The following CDK13 variants were observed in gnomAD, a reference collection of about 807,000 sequenced individuals.
CDK13 encodes the protein cyclin dependent kinase 13, also known as cyclin-dependent kinase 13.
Under a neutral mutation model 137.6 loss-of-function variants are expected in CDK13, and 40 were observed. That is an observed-to-expected ratio of 0.29 (90% CI 0.23 to 0.38). The LOEUF is 0.38. Among genes scored for constraint, CDK13 ranks in the 10% least tolerant of loss-of-function variants. CDK13 has a pLI of 1.00. For missense variants in CDK13, 1,704 were observed against 1,951.8 expected (o/e 0.87, Z 2.39); for synonymous variants, 869 against 760.1 (o/e 1.14, Z -2.36).
intron 1 of CDK13, among the ~76,000 whole-genome samples, chr7:39,966,955 C>T (rs1257090516): frequency 1.3e-5 from 2 of 152,124 alleles, no homozygotes; most frequent in African/African-American, 2.4e-5. Flanking sequence ...ATGTTGCTGC[C>T]TGATCGTTCC....
chr7:39,962,253 C>T (rs1783761102), intron 1 of CDK13, among the ~76,000 whole-genome samples: 1 of 152,204 alleles, frequency 6.6e-6, no homozygotes, highest in African/African-American at 2.4e-5. Flanking sequence ...AGTCCACCAA[C>T]AGTGTAAAAG....
At chr7:40,018,629 A>G (rs910877254) in intron 5 of CDK13, among the ~76,000 whole-genome samples, 2 of 152,210 alleles carry the variant, frequency 1.3e-5, no homozygotes, top group Non-Finnish European at 2.9e-5. Context: ...ACTGGAGGCC[A>G]TTATTCTAAG....
chr7:39,984,600 G>A (rs1784298626), intron 1 of CDK13: 1 of 152,022 alleles, frequency 6.6e-6, no homozygotes, highest in African/African-American at 2.4e-5. Flanking sequence ...TTTATCCTTT[G>A]TGTTACAAGC....
intron 1 of CDK13, among the ~76,000 whole-genome samples, chr7:39,969,714 T>C (rs1316419969): frequency 3.3e-5 from 5 of 152,222 alleles, no homozygotes; most frequent in Middle Eastern, 6.8e-3. Context: ...TTCTAGTGGA[T>C]GTGTATTGGT....
chr7:40,004,186 T>C (rs1784751043), intron 5 of CDK13, among the ~76,000 whole-genome samples: 1 of 152,214 alleles, frequency 6.6e-6, no homozygotes, highest in South Asian at 2.1e-4. Flanking sequence ...ATATTAATAG[T>C]CTTCCTGGTA....
In CDK13 at chr7:39,951,506, C is replaced by T. The variant is rs1787198158; in HGVS notation, c.865C>T (p.Pro289Ser). The change falls in exon 1 of 14, where the codon CCG becomes TCG. Residue 289 changes from proline (P) to serine (S), a missense_variant. Around this residue, in one of 5 missense-constraint regions of CDK13, gnomAD observed 1,051 missense variants for 931.0 expected, o/e 1.13. Coordinates refer to ENST00000181839, the MANE Select transcript of CDK13 (RefSeq NM_003718.5). ...CAGCCGGACTAAGTCGTCCAAGGAG[C>T]CGCCTTCGGCCTACAAGGAACCGCC... ...HRSRTKSSKE[P>S]PSAYKEPPKA... 5.9e-6 allele frequency: 9 copies of T among 1,533,174 alleles called. No homozygotes were observed. Among genetic ancestry groups the T allele is most frequent in the East Asian group, 2.6e-5 (1 of 38,618 alleles). The allele number at this position is 1,533,174 out of a possible 1,614,324, so 95.0% of individuals were successfully genotyped here. A position where few individuals can be genotyped will look rare whatever the true frequency, so the allele number is the denominator to read the frequency against.
rs1787047804 is a variant in CDK13 at position 40,096,382 on chromosome 7, AGTC to A, written c.*1403_*1405del. ...AATGAAGAGCATCAAAGAATGGAGT[AGTC>A]CTTATTTAAACTGTAATGGTGTCAA... On this transcript the variant is annotated 3_prime_UTR_variant, in exon 14 of 14. Transcript: ENST00000181839. 1 of 152,166 alleles carries A rather than the reference AGTC, an allele frequency of 6.6e-6. No homozygotes were observed. The highest frequency in any genetic ancestry group is 1.5e-5 in the Non-Finnish European group (1 of 68,028). The allele number at this position is 152,166 out of a possible 1,614,324, so 9.4% of individuals were successfully genotyped here.
At chr7:39,954,474 A>G (rs1787343482) in intron 1 of CDK13, among the ~76,000 whole-genome samples, 2 of 152,184 alleles carry the variant, frequency 1.3e-5, no homozygotes, top group South Asian at 4.2e-4. Flanking sequence ...GGGCTGTCTT[A>G]TCCATCATTG....
chr7:39,992,163 G>GTGT (rs1554325730), intron 2 of CDK13, among the ~76,000 whole-genome samples: 11 of 146,310 alleles, frequency 7.5e-5, no homozygotes, highest in East Asian at 4.4e-4. Flanking sequence ...AACTAATGAG[G>GTGT]GTGTGTGTGT....
chr7:40,013,091 G>A (rs757624099), intron 5 of CDK13, among the ~76,000 whole-genome samples: 2 of 152,086 alleles, frequency 1.3e-5, no homozygotes, highest in Non-Finnish European at 2.9e-5. Flanking sequence ...TGAAAATGAA[G>A]GAAATTTTTA....
chr7:39,993,371 G>A (rs549328547), intron 2 of CDK13, among the ~76,000 whole-genome samples: 38 of 152,100 alleles, frequency 2.5e-4, no homozygotes, highest in Non-Finnish European at 4.0e-4. Flanking sequence ...CCGAAATTTG[G>A]CCAGTGGAAG....
intron 1 of CDK13, among the ~76,000 whole-genome samples, chr7:39,968,661 GTC>G (rs1467599223): frequency 1.3e-5 from 2 of 152,156 alleles, no homozygotes; most frequent in African/African-American, 2.4e-5. Context: ...TTCAGTTAAT[GTC>G]TCTGTTTGTA....
intron 5 of CDK13, among the ~76,000 whole-genome samples, chr7:40,024,644 T>TG (rs1785202490): frequency 1.9e-5 from 2 of 107,334 alleles, no homozygotes; most frequent in African/African-American, 6.6e-5. Flanking sequence ...TGTAGCTCTG[T>TG]GTTTTTTTTT....
intron 5 of CDK13, among the ~76,000 whole-genome samples, chr7:40,027,440 C>T (rs917714046): frequency 3.9e-5 from 6 of 152,044 alleles, no homozygotes; most frequent in African/African-American, 1.4e-4. Flanking sequence ...CTTCACAATC[C>T]ACTTTGTATT....
At chr7:40,075,333 T>G in intron 9 of CDK13, among the ~76,000 whole-genome samples, 1 of 152,214 alleles carries the variant, frequency 6.6e-6, no homozygotes, top group Non-Finnish European at 1.5e-5. Context: ...TGTCTACCTC[T>G]CTAGTTTCTA....
At chr7:40,036,965 A>G (rs1785499748) in intron 5 of CDK13, among the ~76,000 whole-genome samples, 1 of 152,202 alleles carries the variant, frequency 6.6e-6, no homozygotes, top group Non-Finnish European at 1.5e-5. Context: ...ATGGCATGTT[A>G]TTCATATTAA....
At position 39,951,439 on chromosome 7, in the gene CDK13, C is replaced by G; in HGVS notation, c.798C>G (p.Ser266Arg). 6.5e-7 allele frequency: 1 copy of G among 1,536,808 alleles called. No individual in the cohort carries two copies. The highest frequency in any genetic ancestry group is 8.8e-7 in the Non-Finnish European group (1 of 1,142,606). ...GGAAAAGCGCTTCGGCCACATCCAG[C>G]AGCAGTAGCAGCCGCAAGGACCGGG... The part of the protein sequence containing the change: ...GRRKSASATS[S>R]SSSSRKDRDS... Residue 266 changes from serine (S) to arginine (R), a missense_variant, in exon 1 of 14, where the codon AGC (serine) becomes AGG (arginine). Physicochemically the swap from Ser to Arg is moderately radical, Grantham distance 110 (BLOSUM62 -1). Around this residue, in one of 5 missense-constraint regions of CDK13, gnomAD observed 1,051 missense variants for 931.0 expected, o/e 1.13. Coordinates refer to ENST00000181839, the MANE Select transcript of CDK13 (RefSeq NM_003718.5).
intron 5 of CDK13, 123 bp from the exon 6 acceptor site, chr7:40,045,713 C>G (rs1562746926): frequency 3.3e-6 from 2 of 601,444 alleles, no homozygotes; most frequent in Non-Finnish European, 5.7e-6. Flanking sequence ...ATTAAAGTAA[C>G]AAAGTAACAC....
intron 9 of CDK13, among the ~76,000 whole-genome samples, chr7:40,068,707 GAAAAAAAA>G (rs1158145409): frequency 1.2e-3 from 55 of 47,080 alleles, no homozygotes; most frequent in Admixed American, 2.1e-3. Context: ...CTATGTCTCA[GAAAAAAAA>G]AAAAAAAAAA....
Sources: gnomAD v4.1 joint callset for allele counts (sites outside exome capture counted in the v4.1 genomes callset) on GRCh38, gnomAD v4.1.1 for gene constraint, gnomAD v4.1.1 regional missense constraint, MANE v1.5 for transcripts, NCBI Gene and HGNC (gene_info 2026-07-23, HGNC 2026-07-21) for gene names.